COL12A1: variants seen among roughly 807,000 people sequenced by gnomAD.
The protein encoded by COL12A1 is collagen type XII alpha 1 chain.
COL12A1 carries 114 observed loss-of-function variants against 349.7 expected under a neutral mutation model. That is an observed-to-expected ratio of 0.33 (90% CI 0.28 to 0.38). The LOEUF (loss-of-function observed/expected upper bound fraction) is 0.38. Among genes scored for constraint, COL12A1 ranks in the 10% least tolerant of loss-of-function variants. COL12A1 has a pLI of 1.00. For synonymous variants in COL12A1, 1,369 were observed against 1,329.0 expected (o/e 1.03, Z -0.66); for missense variants, 3,284 against 3,756.9 (o/e 0.87, Z 3.29).
intron 34 of COL12A1, among the ~76,000 whole-genome samples, chr6:75,133,007 C>A (rs1293612995): frequency 1.3e-5 from 2 of 152,122 alleles, no homozygotes; most frequent in Non-Finnish European, 2.9e-5. Flanking sequence ...GAAAGCAAAG[C>A]TCAATGAATT....
intron 64 of COL12A1, 49 bp downstream of exon 64, chr6:75,089,057 C>T (rs368624675): frequency 2.3e-6 from 3 of 1,307,208 alleles, no homozygotes; most frequent in Non-Finnish European, 2.2e-6. Context: ...GATGGTGTGC[C>T]CTCTCGGTAT....
At position 75,132,091 on chromosome 6, in the gene COL12A1, A is replaced by G. The variant is rs753251082; in HGVS notation, c.5795-9T>C. 6.2e-7 allele frequency: 1 copy of G among 1,613,086 alleles called. No individual in the cohort carries two copies. The highest frequency in any genetic ancestry group is 8.5e-7 in the Non-Finnish European group (1 of 1,179,534). ...TGCCAGTCCTCTCATCACTGAGGAA[A>G]TGAAGGCCAACATCTATTTTTTAAG... On this transcript the variant is annotated splice_polypyrimidine_tract_variant and intron_variant, in intron 34 of 65. Transcript: ENST00000322507.
intron 43 of COL12A1, 91 bp from the exon 44 acceptor site, chr6:75,121,532 T>A: frequency 7.2e-7 from 1 of 1,385,074 alleles, no homozygotes; most frequent in Non-Finnish European, 9.5e-7. Context: ...TATAACACCT[T>A]GCTACGCAAA....
Position 75,159,528 on chromosome 6 carries a change from G to T in COL12A1, c.2984-3005C>A, listed in dbSNP as rs1767924623. 2.0e-5 allele frequency among the ~76,000 whole-genome samples: 3 copies of T among 150,130 alleles called. No homozygotes were observed. The South Asian group carries it at 6.2e-4, about 31-fold the overall frequency. On this transcript the variant is annotated intron_variant, in intron 14 of 65. Transcript: ENST00000322507. The stretch of plus-strand genomic sequence containing the variant: ...GGAGTTTTGAAAATAGTACAAGAAA[G>T]AATAGTATATAGAAAAATAATCTAT...
chr6:75,161,712 A>C (rs1373482001), intron 14 of COL12A1, among the ~76,000 whole-genome samples: 1 of 152,216 alleles, frequency 6.6e-6, no homozygotes, highest in Non-Finnish European at 1.5e-5. Flanking sequence ...GAGGAAGTCA[A>C]ATTGTCTCTG....
rs1054760337 is a variant in COL12A1, at chr6:75,182,899, T to C, written c.1891+151A>G. ...CCAGGAGAAAGTCATATCTCAGAGC[T>C]AAGAAAACTAAGTTCAATAGTTTTC... On this transcript the variant is annotated intron_variant, in intron 10 of 65. Transcript: ENST00000322507. 2.2e-5 allele frequency: 21 copies of C among 966,692 alleles called. No homozygotes were observed. In the African/African-American group the frequency reaches 3.4e-4, roughly 16 times the overall value. The allele number at this position is 966,692 out of a possible 1,614,324, so 59.9% of individuals were successfully genotyped here. A position where few individuals can be genotyped will look rare whatever the true frequency, so the allele number is the denominator to read the frequency against.
In COL12A1 at chr6:75,130,993, G is replaced by T; in HGVS notation, c.5938-12C>A. 1 of 1,614,030 alleles carries T rather than the reference G, an allele frequency of 6.2e-7. No homozygotes were observed. On this transcript the variant is annotated splice_polypyrimidine_tract_variant and intron_variant, in intron 35 of 65. Transcript: ENST00000322507. The stretch of plus-strand genomic sequence containing the variant: ...CCTGGCACTACTATCTGCAGGAGAG[G>T]AAATGCCAAATTCTGCCTGACAACA...
chr6:75,113,711 G>A lies in COL12A1; in HGVS notation c.7731C>T (p.Tyr2577=). 1.2e-6 allele frequency: 2 copies of A among 1,601,124 alleles called. No homozygotes were observed. Among genetic ancestry groups the A allele is most frequent in the Non-Finnish European group, 8.5e-7 (1 of 1,171,586 alleles). ...GAAGTCTGAATAATAATATAATCGT[G>A]TATGAAGGAGGGAGTCCATTTGGGT... The part of the protein sequence containing the change: ...DLHPNGLPPS[Y]TIILLFRLLP... The change falls in exon 50 of 66, where the codon TAC becomes TAT. Residue 2577 remains tyrosine, a synonymous_variant. Transcript: ENST00000322507.
chr6:75,086,613 T>C (rs969307893), intron 65 of COL12A1, 56 bp from the exon 66 acceptor site: 85 of 1,376,214 alleles, frequency 6.2e-5, no homozygotes, highest in Non-Finnish European at 8.3e-5. Context: ...GTAAAAAATA[T>C]AAATACACAT....
At chr6:75,130,040 T>C in intron 37 of COL12A1, 51 bp downstream of exon 37, 1 of 1,594,772 alleles carries the variant, frequency 6.3e-7, no homozygotes, top group South Asian at 1.1e-5. Flanking sequence ...AACTTCACTG[T>C]CCATTCAGCT....
Position 75,154,448 on chromosome 6 carries a change from G to T in COL12A1, c.3533C>A (p.Ser1178Tyr). ...PLVGQEMTTL[S>Y]DTTVMPILSS... ...TAAAATTGGCATAACAGTTGTGTCG[G>T]AAAGGGTTGTCATTTCTTGTCCAAC... Residue 1178 changes from serine (S) to tyrosine (Y), a missense_variant, in exon 17 of 66, where the codon TCC becomes TAC. Around this residue, in one of 2 missense-constraint regions of COL12A1, gnomAD observed 2,601 missense variants for 2,824.8 expected, o/e 0.92. Transcript: ENST00000322507. The T allele has an allele frequency of 6.2e-7, 1 of 1,612,554 alleles. No homozygotes were observed. Among genetic ancestry groups the T allele is most frequent in the Non-Finnish European group, 8.5e-7 (1 of 1,179,046 alleles).
At chr6:75,155,192 C>T (rs1767690369) in intron 16 of COL12A1, among the ~76,000 whole-genome samples, 1 of 152,086 alleles carries the variant, frequency 6.6e-6, no homozygotes, top group Admixed American at 6.5e-5. Context: ...TTGCCCTTTC[C>T]TGCCAGCTGG....
At position 75,183,509 on chromosome 6, in the gene COL12A1, G is replaced by A. The variant is rs773945332; in HGVS notation, c.1432C>T (p.Gln478Ter). 6.2e-7 allele frequency: 1 copy of A among 1,614,066 alleles called. No homozygotes were observed. Among genetic ancestry groups the A allele is most frequent in the Non-Finnish European group, 8.5e-7 (1 of 1,180,022 alleles). ...KSFEISPNRV[Q>*]ISLVQYSRDP... ...CGGCTGTATTGCACAAGACTAATCT[G>A]GACCCTATTTGGTGAAATTTCAAAA... The change falls in exon 10 of 66, where the codon CAG becomes TAG. Residue 478 changes from glutamine to a stop codon, truncating the protein, a stop_gained. Transcript: ENST00000322507. LOFTEE classifies it high-confidence loss of function.
Position 75,183,325 on chromosome 6 carries a change from C to T in COL12A1, c.1616G>A (p.Ser539Asn), listed in dbSNP as rs1169546055. The stretch of plus-strand genomic sequence containing the variant: ...AAGAATCATGACCTTTGGCACATTG[C>T]TTCTTGATCCCTTGCTAGGCACAAA... ...KIFVPSKGSR[S>N]NVPKVMILIT... The change falls in exon 10 of 66, where the codon AGC (serine) becomes AAC (asparagine). Residue 539 changes from serine to asparagine, a missense_variant. Ser to Asn is a conservative substitution (Grantham distance 46). Around this residue, in one of 2 missense-constraint regions of COL12A1, gnomAD observed 2,601 missense variants for 2,824.8 expected, o/e 0.92. Transcript: ENST00000322507. 13 of 1,614,098 alleles carry T rather than the reference C, an allele frequency of 8.1e-6. No homozygotes were observed. The highest frequency in any genetic ancestry group is 2.7e-5 in the African/African-American group (2 of 74,940).
rs758172399 is a variant in COL12A1 at position 75,120,798 on chromosome 6, T to C, written c.7086+504A>G. On this transcript the variant is annotated intron_variant, in intron 44 of 65. Coordinates refer to ENST00000322507, the MANE Select transcript of COL12A1 (RefSeq NM_004370.6). Reference sequence around the variant, plus strand: ...TGGAGTGATTTCAGAGCAAGATAATTGGTAGTTATCCTTTTAAAAAAACAA... The same window carrying C: ...TGGAGTGATTTCAGAGCAAGATAATCGGTAGTTATCCTTTTAAAAAAACAA... 7.2e-5 allele frequency among the ~76,000 whole-genome samples: 11 copies of C among 152,320 alleles called. No individual in the cohort carries two copies. In the Middle Eastern group the frequency reaches 0.01, roughly 141 times the overall value.
At chr6:75,091,419 AT>A in intron 61 of COL12A1, 30 bp from the exon 62 acceptor site, 1 of 1,612,722 alleles carries the variant, frequency 6.2e-7, no homozygotes, top group Middle Eastern at 1.7e-4. Flanking sequence ...TGATTAGCAT[AT>A]TAGTTCTATA....
Position 75,095,208 on chromosome 6 carries a change from G to A in COL12A1, c.8578-29C>T. ...CAACACATGGAAAGGGAAGGGGACT[G>A]TTATGACAAAGGGAAAATCCCATCT... On this transcript the variant is annotated intron_variant, in intron 59 of 65. Transcript: ENST00000322507. 2.5e-6 allele frequency: 4 copies of A among 1,569,436 alleles called. No homozygotes were observed. In the South Asian group the frequency reaches 4.5e-5, roughly 18 times the overall value.
In COL12A1 at chr6:75,086,516, T is replaced by G. The variant is rs1582023759; in HGVS notation, c.*31A>C. 1 of 1,603,522 alleles carries G rather than the reference T, an allele frequency of 6.2e-7. No individual in the cohort carries two copies. Among genetic ancestry groups the G allele is most frequent in the African/African-American group, 1.3e-5 (1 of 74,736 alleles). ...AAACAGGATTTTCATGTATTCAAAC[T>G]GTAAGCAGCACTGGCGACTTAGAAA... On this transcript the variant is annotated 3_prime_UTR_variant, in exon 66 of 66. Coordinates refer to ENST00000322507, the MANE Select transcript of COL12A1 (RefSeq NM_004370.6).
intron 51 of COL12A1, among the ~76,000 whole-genome samples, chr6:75,109,830 C>A (rs1181229231): frequency 2.0e-5 from 3 of 152,004 alleles, no homozygotes; most frequent in Non-Finnish European, 2.9e-5. Flanking sequence ...TGTATTTCAA[C>A]AATGTAAAGA....
Sources: allele counts gnomAD v4.1 joint callset (sites outside exome capture counted in the v4.1 genomes callset), GRCh38; gene constraint gnomAD v4.1.1; regional missense constraint gnomAD v4.1.1; transcripts MANE v1.5; gene names NCBI Gene and HGNC (gene_info 2026-07-23, HGNC 2026-07-21).